The following MTMR1 variants were observed in gnomAD, a reference collection of about 807,000 sequenced individuals.
The protein encoded by MTMR1 is myotubularin related protein 1.
In MTMR1, 17 loss-of-function variants were observed where a neutral mutation model predicts 51.6. That is an observed-to-expected ratio of 0.33 (90% CI 0.23 to 0.49). The LOEUF (loss-of-function observed/expected upper bound fraction) is 0.49, where lower values mean the gene tolerates loss of function less well. MTMR1 is among the 20% of genes least tolerant of loss of function. The pLI is 0.99. For synonymous variants in MTMR1, 201 were observed against 205.6 expected (o/e 0.98, Z 0.19); for missense variants, 386 against 526.9 (o/e 0.73, Z 2.62).
chrX:150,695,102 T>C (rs1270871519), intron 1 of MTMR1, among the ~76,000 whole-genome samples: 2 of 111,870 alleles, frequency 1.8e-5, no homozygotes, highest in Admixed American at 9.4e-5. Context: ...CTGGGGGTGA[T>C]AGTATTCTAG....
At chrX:150,695,350 G>A (rs113843304) in intron 1 of MTMR1, among the ~76,000 whole-genome samples, 3,029 of 112,040 alleles carry the variant, frequency 0.027, 114 homozygotes, top group African/African-American at 0.094. Context: ...ATGGTGCTAT[G>A]TGGACAATAG....
intron 4 of MTMR1, 36 bp from the exon 5 acceptor site, chrX:150,727,179 A>G (rs370034230): frequency 1.1e-6 from 1 of 933,908 alleles, no homozygotes; most frequent in Non-Finnish European, 1.5e-6. Flanking sequence ...GCACAAGTCT[A>G]TGGCAGTAGT....
intron 3 of MTMR1, chrX:150,714,488 G>A (rs782525507): frequency 4.1e-6 from 4 of 982,197 alleles, no homozygotes; most frequent in Non-Finnish European, 5.3e-6. Flanking sequence ...GGAGATTCAG[G>A]AAGAACACAA....
chrX:150,764,762 G>GAAGT lies in MTMR1; in HGVS notation c.*2035_*2038dup, dbSNP rs2043245859. On this transcript the variant is annotated 3_prime_UTR_variant, in exon 16 of 16. Transcript: ENST00000445323. Reference sequence around the variant, plus strand: ...CGCAGAACTGTTTCTAAAACAACTTGAAGTATAGTTTTGTTATCTAAGCAA... The same window carrying GAAGT: ...CGCAGAACTGTTTCTAAAACAACTTGAAGTAAGTATAGTTTTGTTATCTAAGCAA... The GAAGT allele has an allele frequency of 8.9e-6, 1 of 112,718 alleles. No individual in the cohort carries two copies. The highest frequency in any genetic ancestry group is 3.2e-5 in the African/African-American group (1 of 30,992). 9.3% of individuals were successfully genotyped at this position (112,718 alleles called of 1,213,427 possible). A position where few individuals can be genotyped will look rare whatever the true frequency, so the allele number is the denominator to read the frequency against.
rs2042302841 is a variant in MTMR1, at chrX:150,737,293, A to C, written c.1318A>C (p.Thr440Pro). Residue 440 changes from threonine (T) to proline (P), a missense_variant, in exon 12 of 16, where the codon ACA becomes CCA. Coordinates refer to ENST00000445323, the MANE Select transcript of MTMR1 (RefSeq NM_001306144.3). ...TGCTGATAAAATAGAATCTGGGAAA[A>C]CATCTGTGGTGGTGCATTGCAGCGA... ...RIADKIESGK[T>P]SVVVHCSDGW... 8.3e-7 allele frequency: 1 copy of C among 1,211,824 alleles called. No individual in the cohort carries two copies. The highest frequency in any genetic ancestry group is 1.1e-6 in the Non-Finnish European group (1 of 895,562).
intron 1 of MTMR1, among the ~76,000 whole-genome samples, chrX:150,698,365 GT>G (rs1557415798): frequency 1.8e-5 from 2 of 110,951 alleles, no homozygotes; most frequent in Non-Finnish European, 3.8e-5. Context: ...GTAAGGTATT[GT>G]TAGTACTACA....
rs1339789966 is a variant in MTMR1 at position 150,718,583 on chromosome X, CCTTTTTTTT to C, written c.277-41_277-33del. On this transcript the variant is annotated intron_variant, in intron 3 of 15. Transcript: ENST00000445323. Reference sequence around the variant, plus strand: ...AGTGAGATTTACTCCCGTTTGGTGTCCTTTTTTTTTTTTTTTTTTTTTTTTTTTTTTTTT... The same window carrying C: ...AGTGAGATTTACTCCCGTTTGGTGTCTTTTTTTTTTTTTTTTTTTTTTTTT... 3.3e-3 allele frequency: 1,143 copies of C among 351,555 alleles called. 126 individuals are homozygous for C. In the African/African-American group the frequency reaches 0.033, roughly 10 times the overall value. 29.0% of individuals were successfully genotyped at this position (351,555 alleles called of 1,213,427 possible). A position where few individuals can be genotyped will look rare whatever the true frequency, so the allele number is the denominator to read the frequency against.
chrX:150,718,366 C>G (rs2041616468), intron 3 of MTMR1, among the ~76,000 whole-genome samples: 1 of 111,726 alleles, frequency 9.0e-6, no homozygotes, highest in African/African-American at 3.3e-5. Flanking sequence ...TCATGTCAAG[C>G]CATTTCTGTA....
At chrX:150,736,925 C>T (rs2042289754) in intron 11 of MTMR1, 145 bp downstream of exon 11, 4 of 621,875 alleles carry the variant, frequency 6.4e-6, no homozygotes, top group Non-Finnish European at 9.3e-6. Context: ...AGACTGGGGT[C>T]TTTGTGGAGG....
intron 12 of MTMR1, among the ~76,000 whole-genome samples, chrX:150,738,127 A>C (rs919284112): frequency 8.9e-6 from 1 of 112,160 alleles, no homozygotes; most frequent in African/African-American, 3.2e-5. Context: ...TGTACACATT[A>C]AACAGTCATT....
At chrX:150,729,636 C>T (rs1603254556) in intron 6 of MTMR1, among the ~76,000 whole-genome samples, 1 of 112,381 alleles carries the variant, frequency 8.9e-6, no homozygotes, top group East Asian at 2.8e-4. Context: ...CTGTTCCACT[C>T]ATTTCAGGCA....
At chrX:150,693,222 G>C (rs2040536312), upstream of MTMR1, 1 of 114,497 alleles carries the variant, frequency 8.7e-6, no homozygotes, top group African/African-American at 3.2e-5. Context: ...CACCCAGGTC[G>C]CTGGAGCAGG....
intron 15 of MTMR1, among the ~76,000 whole-genome samples, chrX:150,758,633 A>G (rs1271171336): frequency 9.0e-5 from 10 of 111,077 alleles, no homozygotes; most frequent in Non-Finnish European, 1.3e-4. Context: ...TCTACTAAAA[A>G]TACAAAAATT....
At chrX:150,726,086 C>T (rs2041914245) in intron 4 of MTMR1, among the ~76,000 whole-genome samples, 1 of 112,027 alleles carries the variant, frequency 8.9e-6, no homozygotes, top group Non-Finnish European at 1.9e-5. Context: ...AGGAACGGGG[C>T]TGCACAGCAG....
rs1477626227 is a variant in MTMR1 at position 150,739,862 on chromosome X, G to C, written c.1473+2414G>C. On this transcript the variant is annotated intron_variant, in intron 12 of 15. Transcript: ENST00000445323. Reference sequence around the variant, plus strand: ...TTATCTGCCTAAAGTCACACAGCTAGTTAGGGTGGAGCCAGCCTTTAAACA... The same window carrying C: ...TTATCTGCCTAAAGTCACACAGCTACTTAGGGTGGAGCCAGCCTTTAAACA... 4.5e-5 allele frequency among the ~76,000 whole-genome samples: 5 copies of C among 112,064 alleles called. No individual in the cohort carries two copies. The East Asian group carries it at 1.4e-3, about 31-fold the overall frequency.
chrX:150,727,614 C>T, intron 5 of MTMR1, 70 bp from the exon 6 acceptor site: 1 of 847,022 alleles, frequency 1.2e-6, no homozygotes, highest in Non-Finnish European at 1.7e-6. Flanking sequence ...TTTTGTAACC[C>T]AGCAAAGACT....
intron 12 of MTMR1, among the ~76,000 whole-genome samples, chrX:150,743,679 C>T (rs782296362): frequency 1.6e-3 from 185 of 112,476 alleles, no homozygotes; most frequent in Non-Finnish European, 2.4e-3. Context: ...AGAATCCTCA[C>T]CCTTCAGCTA....
Position 150,736,601 on chromosome X carries a change from G to A in MTMR1, c.1087G>A (p.Gly363Ser). The change falls in exon 11 of 16, where the codon GGT (glycine) becomes AGT (serine). Residue 363 changes from glycine (G) to serine (S), a missense_variant. Physicochemically the swap from Gly to Ser is moderately conservative, Grantham distance 56 (BLOSUM62 0). Coordinates refer to ENST00000445323, the MANE Select transcript of MTMR1 (RefSeq NM_001306144.3). Reference protein sequence around the residue: ...NSVADTNKTKGGGYESESAYP... With the variant: ...NSVADTNKTKSGGYESESAYP... ...TTTGTTTTGTTTTTCGTAGACAAAG[G>A]GTGGAGGATATGAAAGTGAAAGTGC... The A allele has an allele frequency of 8.3e-7, 1 of 1,205,979 alleles. No individual in the cohort carries two copies. Among genetic ancestry groups the A allele is most frequent in the Non-Finnish European group, 1.1e-6 (1 of 892,152 alleles).
intron 3 of MTMR1, among the ~76,000 whole-genome samples, chrX:150,713,970 T>C (rs1416958246): frequency 8.9e-6 from 1 of 111,824 alleles, no homozygotes; most frequent in Non-Finnish European, 1.9e-5. Flanking sequence ...ATCTCCAGCA[T>C]GTGATATATG....
Sources: gnomAD v4.1 joint callset for allele counts (sites outside exome capture counted in the v4.1 genomes callset) on GRCh38, gnomAD v4.1.1 for gene constraint, MANE v1.5 for transcripts, NCBI Gene and HGNC (gene_info 2026-07-23, HGNC 2026-07-21) for gene names.